The following SIN3A variants were observed in gnomAD, a reference collection of about 807,000 sequenced individuals.
The protein encoded by SIN3A is paired amphipathic helix protein Sin3a.
SIN3A carries 14 observed loss-of-function variants against 146.1 expected under a neutral mutation model. The observed-to-expected ratio is 0.10, with a 90% CI of 0.06 to 0.15. SIN3A has a LOEUF of 0.15. SIN3A is among the 10% of genes least tolerant of loss of function. The probability of loss-of-function intolerance (pLI) is 1.00; values close to 1 mark genes in which losing one functional copy is unlikely to be tolerated. For synonymous variants in SIN3A, 572 were observed against 572.0 expected (o/e 1.00, Z 0.00); for missense variants, 1,028 against 1,576.0 (o/e 0.65, Z 5.89).
intron 3 of SIN3A, chr15:75,420,689 CATT>C (rs1196082060): frequency 1.1e-4 from 16 of 152,178 alleles, no homozygotes; most frequent in Admixed American, 6.5e-5. Flanking sequence ...GCCCGGCCTA[CATT>C]ATTATAGAAT....
intron 2 of SIN3A, among the ~76,000 whole-genome samples, chr15:75,426,024 A>G (rs1247960204): frequency 6.6e-6 from 1 of 152,244 alleles, no homozygotes; most frequent in Non-Finnish European, 1.5e-5. Context: ...AAGATGGGCT[A>G]GTATTCTGAG....
chr15:75,407,837 G>C (rs1390460071), intron 8 of SIN3A, among the ~76,000 whole-genome samples: 1 of 134,752 alleles, frequency 7.4e-6, no homozygotes, highest in Non-Finnish European at 1.5e-5. Flanking sequence ...AGGCTGCAGT[G>C]AGCCGAGATC....
chr15:75,406,284 C>G (rs1443985629), intron 9 of SIN3A, among the ~76,000 whole-genome samples: 1 of 152,228 alleles, frequency 6.6e-6, no homozygotes, highest in Non-Finnish European at 1.5e-5. Flanking sequence ...AATCTCAACT[C>G]TCGTTGCTCA....
chr15:75,416,004 C>T, intron 3 of SIN3A: 1 of 330,404 alleles, frequency 3.0e-6, no homozygotes, highest in Admixed American at 3.3e-5. Context: ...GCTGAAGGTG[C>T]TAGAGATGCC....
intron 9 of SIN3A, among the ~76,000 whole-genome samples, chr15:75,403,365 G>A (rs1254339886): frequency 6.6e-6 from 1 of 151,584 alleles, no homozygotes; most frequent in Non-Finnish European, 1.5e-5. Context: ...AGGAGGCAGA[G>A]GTTGCAGTGA....
At chr15:75,381,965 C>T (rs2072980618) in intron 17 of SIN3A, among the ~76,000 whole-genome samples, 1 of 152,112 alleles carries the variant, frequency 6.6e-6, no homozygotes, top group Non-Finnish European at 1.5e-5. Context: ...TAATCAATGT[C>T]AGTAAGAATG....
At position 75,392,644 on chromosome 15, in the gene SIN3A, G is replaced by A. The variant is rs1453766637; in HGVS notation, c.2449C>T (p.His817Tyr). ...EDKYKIKQIM[H>Y]HFIPDLLFAQ... The stretch of plus-strand genomic sequence containing the variant: ...AAGAGCAAATCTGGAATAAAATGAT[G>A]CATGATTTGTTTTATCTTATATTTG... Residue 817 changes from histidine (H) to tyrosine (Y), a missense_variant, in exon 15 of 21, where the codon CAT becomes TAT. By Grantham distance (83) the His-to-Tyr change is moderately conservative. This residue lies in a region of SIN3A where 488 missense variants were observed against 690.2 expected (regional missense o/e 0.71). Transcript: ENST00000394947. The A allele has an allele frequency of 6.2e-7, 1 of 1,614,032 alleles. No individual in the cohort carries two copies. The highest frequency in any genetic ancestry group is 8.5e-7 in the Non-Finnish European group (1 of 1,180,036).
chr15:75,438,638 G>T (rs1421827117), intron 1 of SIN3A, among the ~76,000 whole-genome samples: 2 of 151,996 alleles, frequency 1.3e-5, no homozygotes, highest in East Asian at 3.9e-4. Flanking sequence ...ACAGTGAGCT[G>T]TGATTATGCC....
intron 2 of SIN3A, among the ~76,000 whole-genome samples, chr15:75,425,441 TA>T (rs2073908899): frequency 6.6e-6 from 1 of 152,128 alleles, no homozygotes; most frequent in African/African-American, 2.4e-5. Flanking sequence ...GTGCTGGGAT[TA>T]CAGGTGTGAG....
At chr15:75,420,870 T>C (rs932526406) in intron 3 of SIN3A, 7 of 152,228 alleles carry the variant, frequency 4.6e-5, no homozygotes, top group African/African-American at 1.4e-4. Context: ...TGCAGGAATA[T>C]AGTCAAGAGC....
At chr15:75,402,056 A>C (rs1159434093) in intron 9 of SIN3A, 86 bp from the exon 10 acceptor site, 11 of 825,762 alleles carry the variant, frequency 1.3e-5, no homozygotes, top group South Asian at 9.1e-5. Flanking sequence ...GCCCAGGAGG[A>C]GGCGCAGTTG....
chr15:75,443,421 GA>G (rs1287106512), intron 1 of SIN3A, among the ~76,000 whole-genome samples: 1 of 152,076 alleles, frequency 6.6e-6, no homozygotes, highest in Non-Finnish European at 1.5e-5. Flanking sequence ...ATACTTTCTT[GA>G]AAGATGCTGT....
At chr15:75,375,549 T>C (rs1289284261) in intron 20 of SIN3A, 116 bp downstream of exon 20, 1 of 773,438 alleles carries the variant, frequency 1.3e-6, no homozygotes, top group African/African-American at 1.7e-5. Context: ...CAGTTAAGTC[T>C]CAGCTCCAAG....
intron 9 of SIN3A, 76 bp downstream of exon 9, chr15:75,406,978 GA>G (rs1567358927): frequency 1.9e-6 from 2 of 1,064,834 alleles, no homozygotes; most frequent in African/African-American, 3.2e-5. Flanking sequence ...CCTTTAAAAC[GA>G]AACCTTCCAG....
chr15:75,415,854 GAAAAAAAAAAA>G (rs397946961), intron 3 of SIN3A: 40 of 96,258 alleles, frequency 4.2e-4, no homozygotes, highest in Middle Eastern at 4.3e-3. Context: ...TCGGTCTCAG[GAAAAAAAAAAA>G]AAAAAAAAAA....
chr15:75,427,881 G>A (rs1348996424), intron 2 of SIN3A, among the ~76,000 whole-genome samples: 1 of 151,932 alleles, frequency 6.6e-6, no homozygotes, highest in Non-Finnish European at 1.5e-5. Flanking sequence ...TGAGGCAGGA[G>A]AATCACTTGA....
At chr15:75,391,871 G>C (rs1344088167) in intron 15 of SIN3A, among the ~76,000 whole-genome samples, 1 of 152,142 alleles carries the variant, frequency 6.6e-6, no homozygotes, top group African/African-American at 2.4e-5. Flanking sequence ...TTAAGCACTA[G>C]GAATTTATGT....
Position 75,375,851 on chromosome 15 carries a change from C to T in SIN3A, c.3405G>A (p.Lys1135=), listed in dbSNP as rs780874168. ...CCTGCTGCTCTCGACCACGTTGACA[C>T]TTCCGGATCCGCCGTAGATTCCTAT... ...FLPRNLRRIR[K]CQRGREQQEK... is the part of the protein sequence containing the mutation. The change falls in exon 20 of 21, where the codon AAG becomes AAA. Residue 1135 remains lysine (K), a synonymous_variant. Coordinates refer to ENST00000394947, the MANE Select transcript of SIN3A (RefSeq NM_001145358.2). 1 of 1,614,136 alleles carries T rather than the reference C, an allele frequency of 6.2e-7. No individual in the cohort carries two copies. Among genetic ancestry groups the T allele is most frequent in the Non-Finnish European group, 8.5e-7 (1 of 1,180,048 alleles).
intron 1 of SIN3A, among the ~76,000 whole-genome samples, chr15:75,440,969 G>A (rs1159367933): frequency 9.2e-5 from 11 of 119,246 alleles, no homozygotes; most frequent in Admixed American, 7.1e-4. Context: ...GTGACAGAGC[G>A]AAGACTCTGT....
Sources: gnomAD v4.1 joint callset for allele counts (sites outside exome capture counted in the v4.1 genomes callset) on GRCh38, gnomAD v4.1.1 for gene constraint, gnomAD v4.1.1 regional missense constraint, MANE v1.5 for transcripts, NCBI Gene and HGNC (gene_info 2026-07-23, HGNC 2026-07-21) for gene names.